TNRC6B: variants seen among roughly 807,000 people sequenced by gnomAD.
TNRC6B encodes trinucleotide repeat-containing gene 6B protein.
TNRC6B carries 52 observed loss-of-function variants against 203.6 expected under a neutral mutation model. The ratio of observed to expected loss-of-function variants is 0.26; its 90% CI spans 0.20 to 0.32. TNRC6B has a LOEUF of 0.32. Ranked by LOEUF, TNRC6B falls within the 10% of genes least tolerant of loss-of-function variation. TNRC6B has a pLI of 1.00. For missense variants in TNRC6B, 1,923 were observed against 2,286.2 expected (o/e 0.84, Z 3.24); for synonymous variants, 838 against 845.7 (o/e 0.99, Z 0.16).
intron 3 of TNRC6B, among the ~76,000 whole-genome samples, chr22:40,258,670 A>G (rs1235666439): frequency 6.6e-6 from 1 of 152,106 alleles, no homozygotes; most frequent in Non-Finnish European, 1.5e-5. Context: ...GGGCCAGAGC[A>G]CACTGTATTG....
rs1680286969 is a variant in TNRC6B at position 40,330,409 on chromosome 22, T to G, written c.*7168T>G. ...CTGTAAAAGTTGACTGGAGGCAAAG[T>G]GGAGTGGCCTTATTGCCAGGACTAG... On this transcript the variant is annotated 3_prime_UTR_variant, in exon 23 of 23. Transcript: ENST00000454349. 6.6e-6 allele frequency: 1 copy of G among 152,186 alleles called. No homozygotes were observed. The highest frequency in any genetic ancestry group is 2.1e-4 in the South Asian group (1 of 4,828). 9.4% of individuals were successfully genotyped at this position (152,186 alleles called of 1,614,324 possible). A position where few individuals can be genotyped will look rare whatever the true frequency, so the allele number is the denominator to read the frequency against.
chr22:40,066,577 C>T (rs1159323643), intron 1 of TNRC6B, among the ~76,000 whole-genome samples: 3 of 152,096 alleles, frequency 2.0e-5, no homozygotes, highest in African/African-American at 4.8e-5. Flanking sequence ...AATAAGGCAG[C>T]TTTCCTTGTG....
intron 5 of TNRC6B, among the ~76,000 whole-genome samples, chr22:40,269,379 C>T (rs955983022): frequency 3.3e-5 from 5 of 151,826 alleles, no homozygotes; most frequent in Admixed American, 2.0e-4. Flanking sequence ...GGAGATCCAC[C>T]CGCCTTGGCT....
At chr22:40,079,559 TC>T (rs2068047937) in intron 1 of TNRC6B, among the ~76,000 whole-genome samples, 1 of 150,408 alleles carries the variant, frequency 6.6e-6, no homozygotes, top group South Asian at 2.1e-4. Flanking sequence ...TTATATTTAA[TC>T]CCAAATCTAA....
At chr22:40,147,857 G>A (rs1458399569) in intron 3 of TNRC6B, among the ~76,000 whole-genome samples, 1 of 152,166 alleles carries the variant, frequency 6.6e-6, no homozygotes, top group Non-Finnish European at 1.5e-5. Context: ...GTGGTTGTCT[G>A]GGCCTCAGAA....
At chr22:40,079,793 T>A (rs991679120) in intron 1 of TNRC6B, among the ~76,000 whole-genome samples, 6 of 151,718 alleles carry the variant, frequency 4.0e-5, no homozygotes, top group South Asian at 4.2e-4. Context: ...TAATTTTTTT[T>A]TTATTATTTT....
chr22:40,219,194 T>A (rs2069675320), intron 1 of TNRC6B, among the ~76,000 whole-genome samples: 2 of 152,226 alleles, frequency 1.3e-5, no homozygotes, highest in Admixed American at 1.3e-4. Context: ...ACAGGCTATG[T>A]CTGGTTCACC....
intron 2 of TNRC6B, among the ~76,000 whole-genome samples, chr22:40,248,046 GC>G (rs2070133272): frequency 6.6e-6 from 1 of 151,460 alleles, no homozygotes; most frequent in Admixed American, 6.6e-5. Flanking sequence ...CTGCACCCCA[GC>G]CTGGGTGACA....
intron 1 of TNRC6B, among the ~76,000 whole-genome samples, chr22:40,088,584 T>TTTTGTGTGTG (rs762534815): frequency 8.0e-6 from 1 of 125,136 alleles, no homozygotes; most frequent in African/African-American, 3.0e-5. Flanking sequence ...GCGGCTACTT[T>TTTTGTGTGTG]TGTGTGTGTG....
intron 3 of TNRC6B, among the ~76,000 whole-genome samples, chr22:40,151,296 G>C (rs2146347333): frequency 6.6e-6 from 1 of 152,146 alleles, no homozygotes; most frequent in Middle Eastern, 3.4e-3. Flanking sequence ...AGGCACCGTG[G>C]CTCACACCTG....
intron 3 of TNRC6B, among the ~76,000 whole-genome samples, chr22:40,140,815 A>G (rs2068637902): frequency 6.6e-6 from 1 of 151,842 alleles, no homozygotes; most frequent in Admixed American, 6.6e-5. Context: ...TAATTTTTGT[A>G]TTTTTAGTAG....
intron 1 of TNRC6B, among the ~76,000 whole-genome samples, chr22:40,115,473 T>C (rs973355207): frequency 6.6e-6 from 1 of 152,168 alleles, no homozygotes; most frequent in African/African-American, 2.4e-5. Flanking sequence ...TACCAATGCA[T>C]TTAATTAGGG....
At chr22:40,047,089 G>A (rs2067695915) in intron 1 of TNRC6B, among the ~76,000 whole-genome samples, 1 of 152,062 alleles carries the variant, frequency 6.6e-6, no homozygotes, top group African/African-American at 2.4e-5. Flanking sequence ...GGTAGGTATC[G>A]TTACTATACT....
rs1022301771 is a variant in TNRC6B, at chr22:40,068,167, G to A, written c.-121+23169G>A. On this transcript the variant is annotated intron_variant, in intron 1 of 23. Coordinates refer to the TNRC6B transcript ENST00000301923. Reference sequence around the variant, plus strand: ...AGGACTTTAAAAAAGTATTCTTATGGTTTGAATTCTTAGATTTTTAGCTTT... The same window carrying A: ...AGGACTTTAAAAAAGTATTCTTATGATTTGAATTCTTAGATTTTTAGCTTT... Among the ~76,000 whole-genome samples the A allele has an allele frequency of 1.2e-4, 19 of 152,092 alleles. 1 individual carries two copies. Among genetic ancestry groups the A allele is most frequent in the African/African-American group, 4.6e-4 (19 of 41,362 alleles).
At chr22:40,206,704 G>A (rs2069482692) in intron 1 of TNRC6B, among the ~76,000 whole-genome samples, 1 of 147,730 alleles carries the variant, frequency 6.8e-6, no homozygotes, top group Admixed American at 6.7e-5. Context: ...TAGATGCAGG[G>A]GCTGAGGTGG....
intron 4 of TNRC6B, among the ~76,000 whole-genome samples, chr22:40,165,432 G>A (rs949760886): frequency 5.9e-5 from 9 of 151,892 alleles, no homozygotes; most frequent in Non-Finnish European, 7.4e-5. Context: ...CACCTCAACC[G>A]CCCAAAGTAC....
intron 4 of TNRC6B, among the ~76,000 whole-genome samples, chr22:40,160,848 G>A (rs895469037): frequency 6.6e-6 from 1 of 152,082 alleles, no homozygotes; most frequent in Non-Finnish European, 1.5e-5. Context: ...GGGATTACAG[G>A]CATGCACTAT....
At chr22:40,110,135 T>C (rs1159405049) in intron 1 of TNRC6B, among the ~76,000 whole-genome samples, 2 of 152,248 alleles carry the variant, frequency 1.3e-5, no homozygotes, top group African/African-American at 4.8e-5. Flanking sequence ...AACATGTTAA[T>C]CTGCTTAATT....
intron 4 of TNRC6B, among the ~76,000 whole-genome samples, chr22:40,262,417 G>T (rs1300451460): frequency 2.0e-5 from 3 of 152,006 alleles, no homozygotes; most frequent in Non-Finnish European, 4.4e-5. Flanking sequence ...TTATTTTGGG[G>T]GCCTTTTTTC....
Sources: gnomAD v4.1 joint callset for allele counts (sites outside exome capture counted in the v4.1 genomes callset) on GRCh38, gnomAD v4.1.1 for gene constraint, MANE v1.5 for transcripts, NCBI Gene and HGNC (gene_info 2026-07-23, HGNC 2026-07-21) for gene names.